The following MSMO1 variants were observed in gnomAD, a reference collection of about 807,000 sequenced individuals.
MSMO1 encodes C-4 methylsterol oxidase.
MSMO1 carries 18 observed loss-of-function variants against 30.4 expected under a neutral mutation model. The ratio of observed to expected loss-of-function variants is 0.59; its 90% CI spans 0.41 to 0.88. The LOEUF is 0.88. Among genes scored for constraint, MSMO1 ranks in the 40% least tolerant of loss-of-function variants. The probability of loss-of-function intolerance (pLI) is 0.00; values close to 1 mark genes in which losing one functional copy is unlikely to be tolerated. For synonymous variants in MSMO1, 84 were observed against 107.9 expected (o/e 0.78, Z 1.37); for missense variants, 284 against 340.5 (o/e 0.83, Z 1.31).
At chr4:165,332,979 A>G (rs1461028988) in intron 1 of MSMO1, among the ~76,000 whole-genome samples, 3 of 152,158 alleles carry the variant, frequency 2.0e-5, no homozygotes, top group Admixed American at 2.0e-4. Context: ...TTTTGGCTTT[A>G]AGTGATACTT....
chr4:165,332,206 A>G (rs1747416631), intron 1 of MSMO1, among the ~76,000 whole-genome samples: 1 of 152,236 alleles, frequency 6.6e-6, no homozygotes, highest in African/African-American at 2.4e-5. Context: ...AAGTGCATAG[A>G]TAAAATACAT....
At chr4:165,341,654 A>G (rs934042855) in intron 5 of MSMO1, 97 bp from the exon 6 acceptor site, 2 of 1,113,314 alleles carry the variant, frequency 1.8e-6, no homozygotes, top group Non-Finnish European at 2.7e-6. Context: ...GTGGCATGTT[A>G]TCTAAATTGG....
chr4:165,331,408 G>A (rs1454496730), intron 1 of MSMO1, among the ~76,000 whole-genome samples: 3 of 152,144 alleles, frequency 2.0e-5, no homozygotes, highest in Non-Finnish European at 4.4e-5. Flanking sequence ...GATAAGTGAT[G>A]GACAAGTTCT....
chr4:165,336,048 T>G (rs535043498), intron 2 of MSMO1, among the ~76,000 whole-genome samples: 1 of 152,320 alleles, frequency 6.6e-6, no homozygotes, highest in East Asian at 1.9e-4. Context: ...ACATATGCAA[T>G]AAATGTTTTT....
intron 3 of MSMO1, 89 bp downstream of exon 3, chr4:165,338,026 T>C (rs904535023): frequency 1.9e-5 from 23 of 1,233,310 alleles, no homozygotes; most frequent in Non-Finnish European, 2.5e-5. Flanking sequence ...TTAATTTTAG[T>C]TAATGTTTGT....
At chr4:165,328,988 ACT>A (rs1324851148) in intron 1 of MSMO1, among the ~76,000 whole-genome samples, 6 of 151,862 alleles carry the variant, frequency 4.0e-5, no homozygotes, top group Non-Finnish European at 2.9e-5. Context: ...GTGCCTCTGA[ACT>A]CTCTGACTGG....
chr4:165,339,323 C>T (rs1369760114), intron 4 of MSMO1, among the ~76,000 whole-genome samples: 3 of 151,742 alleles, frequency 2.0e-5, no homozygotes, highest in Non-Finnish European at 4.4e-5. Context: ...AGGCTGGTCT[C>T]GAACTCCTGA....
chr4:165,338,005 T>C, intron 3 of MSMO1, 68 bp downstream of exon 3: 3 of 1,433,558 alleles, frequency 2.1e-6, no homozygotes, highest in Non-Finnish European at 2.9e-6. Flanking sequence ...ACTTAATGTT[T>C]ACCCGTTTTC....
At chr4:165,333,723 T>C in intron 2 of MSMO1, 98 bp downstream of exon 2, 1 of 1,282,816 alleles carries the variant, frequency 7.8e-7, no homozygotes, top group Non-Finnish European at 1.1e-6. Flanking sequence ...AGCAGTGATA[T>C]CCAATAGAAA....
intron 4 of MSMO1, 130 bp downstream of exon 4, chr4:165,338,908 A>G (rs1747637204): frequency 3.0e-6 from 2 of 669,758 alleles, no homozygotes; most frequent in East Asian, 5.7e-5. Context: ...TAAGAACAAT[A>G]CACACACATA....
chr4:165,332,057 C>T (rs539078177), intron 1 of MSMO1, among the ~76,000 whole-genome samples: 32 of 151,972 alleles, frequency 2.1e-4, no homozygotes, highest in African/African-American at 6.5e-4. Context: ...TCCCCTACCC[C>T]GCCACGCTGT....
Position 165,342,098 on chromosome 4 carries a change from G to A in MSMO1, c.*152G>A, listed in dbSNP as rs568599589. 6.2e-6 allele frequency: 4 copies of A among 647,932 alleles called. No homozygotes were observed. Among genetic ancestry groups the A allele is most frequent in the Non-Finnish European group, 1.1e-5 (4 of 377,732 alleles). 40.1% of individuals were successfully genotyped at this position (647,932 alleles called of 1,614,324 possible). ...CAACCTTTAATTACCTTCCTAGTGG[G>A]AACTTTTTCTACTTTACCTACAAGT... On this transcript the variant is annotated 3_prime_UTR_variant, in exon 6 of 6. Transcript: ENST00000261507.
intron 1 of MSMO1, among the ~76,000 whole-genome samples, chr4:165,332,918 G>C (rs892929925): frequency 6.6e-6 from 1 of 152,066 alleles, no homozygotes; most frequent in Non-Finnish European, 1.5e-5. Context: ...CCAGTAGGAG[G>C]TACTTAATTT....
At chr4:165,338,193 G>C (rs1161855814) in intron 3 of MSMO1, among the ~76,000 whole-genome samples, 1 of 151,686 alleles carries the variant, frequency 6.6e-6, no homozygotes, top group Non-Finnish European at 1.5e-5. Context: ...ACATGTATAA[G>C]TGCTTATGTT....
At chr4:165,341,214 C>T (rs944633985) in intron 5 of MSMO1, among the ~76,000 whole-genome samples, 3 of 152,004 alleles carry the variant, frequency 2.0e-5, no homozygotes, top group African/African-American at 7.2e-5. Context: ...TTGTCTTCTG[C>T]CAACTATAGA....
chr4:165,328,284 T>C (rs908077398), intron 1 of MSMO1, among the ~76,000 whole-genome samples: 1 of 152,132 alleles, frequency 6.6e-6, no homozygotes, highest in African/African-American at 2.4e-5. Context: ...AGTGATCAGA[T>C]ACTGCAAAAA....
chr4:165,333,709 C>T, intron 2 of MSMO1, 84 bp downstream of exon 2: 1 of 1,337,298 alleles, frequency 7.5e-7, no homozygotes, highest in East Asian at 2.4e-5. Flanking sequence ...TTTTGTGAGG[C>T]TAAAGCAGTG....
intron 2 of MSMO1, among the ~76,000 whole-genome samples, chr4:165,337,516 T>C (rs1364454919): frequency 2.6e-5 from 4 of 152,230 alleles, no homozygotes; most frequent in Admixed American, 1.3e-4. Context: ...GTGAATGATC[T>C]GTGGCAGCAA....
chr4:165,340,162 C>T lies in MSMO1; in HGVS notation c.532-59C>T, dbSNP rs1449075986. Reference sequence around the variant, plus strand: ...ATATCATAGCCTAGCCAAGTTGACACATAAAATTGACCATCACAATAGCTA... The same window carrying T: ...ATATCATAGCCTAGCCAAGTTGACATATAAAATTGACCATCACAATAGCTA... On this transcript the variant is annotated intron_variant, in intron 4 of 5. Transcript: ENST00000261507. 2.7e-6 allele frequency: 4 copies of T among 1,485,672 alleles called. No homozygotes were observed. In the African/African-American group the frequency reaches 4.1e-5, roughly 15 times the overall value. 92.0% of individuals were successfully genotyped at this position (1,485,672 alleles called of 1,614,324 possible).
Sources: gnomAD v4.1 joint callset for allele counts (sites outside exome capture counted in the v4.1 genomes callset) on GRCh38, gnomAD v4.1.1 for gene constraint, MANE v1.5 for transcripts, NCBI Gene and HGNC (gene_info 2026-07-23, HGNC 2026-07-21) for gene names.